Variants in EIF3H observed in about 807,000 individuals in gnomAD.
EIF3H encodes the protein eukaryotic translation initiation factor 3 subunit H.
EIF3H carries 26 observed loss-of-function variants against 44.2 expected under a neutral mutation model. The ratio of observed to expected loss-of-function variants is 0.59; its 90% CI spans 0.43 to 0.82. The LOEUF (loss-of-function observed/expected upper bound fraction) is 0.82, where lower values mean the gene tolerates loss of function less well. EIF3H is among the 40% of genes least tolerant of loss of function. The pLI is 0.00. For missense variants in EIF3H, 359 were observed against 432.8 expected, an observed-to-expected ratio of 0.83 and a Z score of 1.51; for synonymous variants, 166 against 151.9, an observed-to-expected ratio of 1.09 and a Z score of -0.68.
At chr8:116,740,748 G>A (rs909705568) in intron 1 of EIF3H, among the ~76,000 whole-genome samples, 2 of 152,064 alleles carry the variant, frequency 1.3e-5, no homozygotes, top group Non-Finnish European at 2.9e-5. Flanking sequence ...ACACCAATGT[G>A]ACTAACTCCC....
intron 2 of EIF3H, among the ~76,000 whole-genome samples, chr8:116,711,007 C>T (rs931654352): frequency 6.6e-6 from 1 of 152,180 alleles, no homozygotes; most frequent in Non-Finnish European, 1.5e-5. Flanking sequence ...ATTTGCTATA[C>T]ATACATTTTA....
chr8:116,685,201 C>T (rs192082145), intron 2 of EIF3H, among the ~76,000 whole-genome samples: 2 of 152,262 alleles, frequency 1.3e-5, no homozygotes, highest in Admixed American at 6.5e-5. Flanking sequence ...ATGTAAGAAA[C>T]TAACCAGGAG....
Position 116,645,117 on chromosome 8 carries a change from A to T in EIF3H, c.962-14T>A. ...TGTTTATCTGGCCTGTGCATTTGAG[A>T]AAGAGATAGAGCCATAATGTTCCAC... On this transcript the variant is annotated splice_polypyrimidine_tract_variant and intron_variant, in intron 7 of 7. Transcript: ENST00000521861. 1 of 1,594,040 alleles carries T rather than the reference A, an allele frequency of 6.3e-7. No homozygotes were observed. Among genetic ancestry groups the T allele is most frequent in the Non-Finnish European group, 8.6e-7 (1 of 1,162,366 alleles).
chr8:116,647,100 T>C (rs79934506), intron 6 of EIF3H, among the ~76,000 whole-genome samples: 5,188 of 152,196 alleles, frequency 0.034, 289 homozygotes, highest in African/African-American at 0.12. Context: ...CTTTTCTTTT[T>C]TTTGACACAG....
intron 2 of EIF3H, among the ~76,000 whole-genome samples, chr8:116,674,323 G>GC (rs1262211400): frequency 6.7e-5 from 9 of 134,186 alleles, no homozygotes; most frequent in African/African-American, 2.6e-4. Flanking sequence ...GGTGGAGGTG[G>GC]GGGGGGGTGG....
chr8:116,655,829 G>T, intron 5 of EIF3H, 27 bp downstream of exon 5: 1 of 1,608,592 alleles, frequency 6.2e-7, no homozygotes, highest in South Asian at 1.1e-5. Flanking sequence ...CTAAAACATG[G>T]GCTTTTCATT....
intron 2 of EIF3H, among the ~76,000 whole-genome samples, chr8:116,678,226 T>C (rs1475712075): frequency 1.3e-5 from 2 of 151,878 alleles, no homozygotes; most frequent in Non-Finnish European, 2.9e-5. Context: ...AGCTCCTAAC[T>C]GCGAGTGATC....
chr8:116,752,665 G>GA (rs1271576970), intron 1 of EIF3H, among the ~76,000 whole-genome samples: 1 of 62,554 alleles, frequency 1.6e-5, no homozygotes, highest in African/African-American at 6.7e-5. Flanking sequence ...AGACAGAAAT[G>GA]AAGAAAGAAA....
intron 1 of EIF3H, among the ~76,000 whole-genome samples, chr8:116,746,800 G>A (rs185755228): frequency 1.5e-3 from 229 of 152,244 alleles, no homozygotes; most frequent in Non-Finnish European, 2.6e-3. Context: ...ACTGCATAAC[G>A]AATTTAATCC....
chr8:116,745,112 C>T (rs1815209570), intron 1 of EIF3H, among the ~76,000 whole-genome samples: 1 of 152,204 alleles, frequency 6.6e-6, no homozygotes, highest in Non-Finnish European at 1.5e-5. Context: ...GCTTATTGTA[C>T]ACCCACACCT....
intron 1 of EIF3H, among the ~76,000 whole-genome samples, chr8:116,726,574 G>A (rs1225947154): frequency 6.6e-6 from 1 of 152,184 alleles, no homozygotes. Flanking sequence ...CAGAGATAAA[G>A]GTCTCAATTA....
At chr8:116,646,700 C>A in intron 6 of EIF3H, 97 bp from the exon 7 acceptor site, 1 of 1,477,546 alleles carries the variant, frequency 6.8e-7, no homozygotes, top group Non-Finnish European at 9.2e-7. Flanking sequence ...CCCCACTGCT[C>A]TGAATTCCAA....
intron 6 of EIF3H, among the ~76,000 whole-genome samples, chr8:116,647,179 C>T (rs756095657): frequency 2.6e-5 from 4 of 151,846 alleles, no homozygotes; most frequent in Non-Finnish European, 5.9e-5. Flanking sequence ...TCCGCCTCTC[C>T]GCCTCCCCGC....
chr8:116,655,075 T>C (rs1813466680), intron 5 of EIF3H, among the ~76,000 whole-genome samples: 1 of 152,030 alleles, frequency 6.6e-6, no homozygotes, highest in African/African-American at 2.4e-5. Flanking sequence ...ACAAGTCTGC[T>C]GCTAGCCTCC....
At chr8:116,648,752 G>A in intron 6 of EIF3H, 54 bp downstream of exon 6, 1 of 1,524,036 alleles carries the variant, frequency 6.6e-7, no homozygotes, top group East Asian at 2.4e-5. Context: ...CATGACTCTT[G>A]AAATACATGA....
intron 2 of EIF3H, among the ~76,000 whole-genome samples, chr8:116,690,425 C>T (rs1446427600): frequency 1.3e-5 from 2 of 151,692 alleles, no homozygotes; most frequent in East Asian, 1.9e-4. Flanking sequence ...CTGGACAGAG[C>T]GGCTCACACT....
chr8:116,726,403 G>T (rs200223772), intron 1 of EIF3H, among the ~76,000 whole-genome samples: 1 of 152,000 alleles, frequency 6.6e-6, no homozygotes, highest in Non-Finnish European at 1.5e-5. Flanking sequence ...TGTCAAAAAC[G>T]TCCATCTACA....
At chr8:116,653,348 AAC>A (rs771922316) in intron 5 of EIF3H, among the ~76,000 whole-genome samples, 15 of 144,566 alleles carry the variant, frequency 1.0e-4, no homozygotes, top group South Asian at 2.2e-4. Flanking sequence ...AACAATCAGA[AAC>A]ACACACACAC....
chr8:116,708,882 G>A (rs893839869), intron 2 of EIF3H, among the ~76,000 whole-genome samples: 9 of 151,720 alleles, frequency 5.9e-5, no homozygotes, highest in Non-Finnish European at 1.2e-4. Flanking sequence ...TTCAACTGCT[G>A]TACTTCTAAG....
Sources: allele counts gnomAD v4.1 joint callset (sites outside exome capture counted in the v4.1 genomes callset), GRCh38; gene constraint gnomAD v4.1.1; transcripts MANE v1.5; gene names NCBI Gene and HGNC (gene_info 2026-07-23, HGNC 2026-07-21).